Variants in DNAI1 observed in about 807,000 individuals in gnomAD.
The protein encoded by DNAI1 is dynein, axonemal, intermediate polypeptide 1.
DNAI1 carries 67 observed loss-of-function variants against 92.0 expected under a neutral mutation model. The ratio of observed to expected loss-of-function variants is 0.73; its 90% CI spans 0.60 to 0.89. The LOEUF is 0.89. Ranked by LOEUF, DNAI1 falls within the 40% of genes least tolerant of loss-of-function variation. The pLI is 0.00. For missense variants in DNAI1, 839 were observed against 866.6 expected (o/e 0.97, Z 0.40); for synonymous variants, 323 against 319.6 (o/e 1.01, Z -0.11).
At chr9:34,516,644 G>A (rs1327407753) in intron 18 of DNAI1, among the ~76,000 whole-genome samples, 1 of 152,148 alleles carries the variant, frequency 6.6e-6, no homozygotes, top group Non-Finnish European at 1.5e-5. Context: ...GAGTGGTTGT[G>A]AAGAGCATAA....
At chr9:34,516,675 A>G (rs935935434) in intron 18 of DNAI1, among the ~76,000 whole-genome samples, 4 of 151,984 alleles carry the variant, frequency 2.6e-5, no homozygotes, top group African/African-American at 9.7e-5. Context: ...CAACCGTATG[A>G]TGTGCTTGCC....
rs184429215 is a variant in DNAI1, at chr9:34,464,789, A to G, written c.48+5736A>G. On this transcript the variant is annotated intron_variant, in intron 1 of 19. Transcript: ENST00000242317. The stretch of plus-strand genomic sequence containing the variant: ...GCTCTTGATGAATGTTGAATGAGTG[A>G]TCAACTGTGGTTGGGGAAGTAGCAC... Among the ~76,000 whole-genome samples the G allele has an allele frequency of 1.2e-4, 18 of 152,250 alleles. No individual in the cohort carries two copies. In the East Asian group the frequency reaches 3.3e-3, roughly 28 times the overall value.
At chr9:34,518,310 G>A (rs1278501646) in intron 19 of DNAI1, among the ~76,000 whole-genome samples, 1 of 152,222 alleles carries the variant, frequency 6.6e-6, no homozygotes, top group Non-Finnish European at 1.5e-5. Flanking sequence ...TGTGTCTTTC[G>A]ACTACTGTCT....
At chr9:34,493,860 A>G (rs1824662357) in intron 9 of DNAI1, among the ~76,000 whole-genome samples, 1 of 152,146 alleles carries the variant, frequency 6.6e-6, no homozygotes, top group African/African-American at 2.4e-5. Flanking sequence ...ATTTTCCATG[A>G]AGAGCCATGT....
intron 19 of DNAI1, among the ~76,000 whole-genome samples, chr9:34,519,016 G>A (rs1261696979): frequency 6.6e-6 from 1 of 152,182 alleles, no homozygotes; most frequent in African/African-American, 2.4e-5. Flanking sequence ...AGAAGGGTCA[G>A]TCATGGCTGG....
chr9:34,491,353 C>T lies in DNAI1; in HGVS notation c.622-142C>T, dbSNP rs1003202236. 5.7e-5 allele frequency: 46 copies of T among 805,052 alleles called. 1 individual carries two copies. The South Asian group carries it at 6.6e-4, about 11-fold the overall frequency. 49.9% of individuals were successfully genotyped at this position (805,052 alleles called of 1,614,324 possible). On this transcript the variant is annotated intron_variant, in intron 7 of 19. Coordinates refer to ENST00000242317, the MANE Select transcript of DNAI1 (RefSeq NM_012144.4). ...TGAATGCATCATTCAGTTATTCACCCAAGCCCCTCTTTACTTCCCCAGCTC... is the reference window on the plus strand; with the variant it reads ...TGAATGCATCATTCAGTTATTCACCTAAGCCCCTCTTTACTTCCCCAGCTC...
chr9:34,506,979 T>C (rs1041635473), intron 13 of DNAI1, 105 bp downstream of exon 13: 1 of 1,503,408 alleles, frequency 6.7e-7, no homozygotes, highest in African/African-American at 1.4e-5. Flanking sequence ...GGCAAGGAGA[T>C]GAGGATGGCA....
At chr9:34,518,730 G>A (rs558783918) in intron 19 of DNAI1, among the ~76,000 whole-genome samples, 1 of 152,394 alleles carries the variant, frequency 6.6e-6, no homozygotes. Flanking sequence ...CTTTGGGGGA[G>A]GAGTACAGCC....
intron 8 of DNAI1, 81 bp from the exon 9 acceptor site, chr9:34,493,113 C>T: frequency 6.2e-7 from 1 of 1,600,984 alleles, no homozygotes; most frequent in Non-Finnish European, 8.6e-7. Context: ...TGACCAATTC[C>T]TTAAGTCTTG....
At position 34,490,439 on chromosome 9, in the gene DNAI1, A is replaced by T; in HGVS notation, c.572A>T (p.Gln191Leu). Residue 191 changes from glutamine to leucine, a missense_variant, in exon 7 of 20, where the codon CAG becomes CTG. Transcript: ENST00000242317. Reference sequence around the variant, plus strand: ...CCCAAGGAGAGAAAGCTCACTAACCAGTTCAACTTCAGTGAGAGGGCCTCA... The same window carrying T: ...CCCAAGGAGAGAAAGCTCACTAACCTGTTCAACTTCAGTGAGAGGGCCTCA... Reference protein sequence around the residue: ...KQPKERKLTNQFNFSERASQT... With the variant: ...KQPKERKLTNLFNFSERASQT... 6.2e-7 allele frequency: 1 copy of T among 1,614,210 alleles called. No homozygotes were observed. The highest frequency in any genetic ancestry group is 8.5e-7 in the Non-Finnish European group (1 of 1,180,030).
At chr9:34,473,785 C>T (rs950792560) in intron 1 of DNAI1, among the ~76,000 whole-genome samples, 2 of 151,734 alleles carry the variant, frequency 1.3e-5, no homozygotes, top group African/African-American at 2.4e-5. Context: ...GAGTGCAGTG[C>T]GTGATCACAG....
chr9:34,507,854 G>T (rs559593542), intron 13 of DNAI1, among the ~76,000 whole-genome samples: 64 of 152,304 alleles, frequency 4.2e-4, no homozygotes, highest in African/African-American at 1.4e-3. Flanking sequence ...AGAGTGGTGG[G>T]TGGGGCCTCT....
At chr9:34,480,153 C>A (rs1196949370) in intron 1 of DNAI1, among the ~76,000 whole-genome samples, 1 of 152,190 alleles carries the variant, frequency 6.6e-6, no homozygotes, top group Non-Finnish European at 1.5e-5. Flanking sequence ...GTGCACTAGG[C>A]CTGCTCCTTC....
At chr9:34,483,510 G>A (rs752071627) in intron 2 of DNAI1, 30 bp downstream of exon 2, 1 of 1,603,838 alleles carries the variant, frequency 6.2e-7, no homozygotes, top group South Asian at 1.1e-5. Flanking sequence ...TGGTCTCTCA[G>A]CAAGATGCTA....
chr9:34,502,104 A>G (rs1032976662), intron 12 of DNAI1, among the ~76,000 whole-genome samples: 1 of 152,188 alleles, frequency 6.6e-6, no homozygotes, highest in Admixed American at 6.5e-5. Context: ...TGGCAGGCAT[A>G]CAAGCTCCCA....
At chr9:34,497,824 C>T (rs971473467) in intron 10 of DNAI1, among the ~76,000 whole-genome samples, 1 of 152,136 alleles carries the variant, frequency 6.6e-6, no homozygotes, top group Non-Finnish European at 1.5e-5. Context: ...ATGGCATGAG[C>T]AGTGTCTTGG....
At chr9:34,492,504 A>AGATATC (rs1824626016) in intron 8 of DNAI1, among the ~76,000 whole-genome samples, 2 of 51,124 alleles carry the variant, frequency 3.9e-5, no homozygotes, top group African/African-American at 1.4e-4. Flanking sequence ...ATATATATAT[A>AGATATC]TATATATATA....
At chr9:34,475,920 C>G (rs988488175) in intron 1 of DNAI1, among the ~76,000 whole-genome samples, 2 of 152,098 alleles carry the variant, frequency 1.3e-5, no homozygotes, top group African/African-American at 4.8e-5. Context: ...ACAAATAGAT[C>G]GCTTACATTG....
At chr9:34,514,243 G>A in intron 16 of DNAI1, 151 bp from the exon 17 acceptor site, 1 of 1,004,538 alleles carries the variant, frequency 1.0e-6, no homozygotes, top group South Asian at 1.3e-5. Flanking sequence ...TGCTGAGGGT[G>A]GGAAGGGCAG....
Sources: allele counts gnomAD v4.1 joint callset (sites outside exome capture counted in the v4.1 genomes callset), GRCh38; gene constraint gnomAD v4.1.1; transcripts MANE v1.5; gene names NCBI Gene and HGNC (gene_info 2026-07-23, HGNC 2026-07-21).